The following CCDC60 variants were observed in gnomAD, a reference collection of about 807,000 sequenced individuals.
The protein encoded by CCDC60 is coiled-coil domain-containing protein 60.
In CCDC60, 54 loss-of-function variants were observed where a neutral mutation model predicts 63.5. The observed-to-expected ratio is 0.85, with a 90% CI of 0.68 to 1.07. CCDC60 has a LOEUF of 1.07. CCDC60 is among the 50% of genes least tolerant of loss of function. CCDC60 has a pLI of 0.00. For missense variants in CCDC60, 651 were observed against 684.3 expected (o/e 0.95, Z 0.54); for synonymous variants, 206 against 238.8 (o/e 0.86, Z 1.27).
At chr12:119,481,943 T>C (rs555335787) in intron 4 of CCDC60, among the ~76,000 whole-genome samples, 1 of 149,032 alleles carries the variant, frequency 6.7e-6, no homozygotes, top group South Asian at 2.1e-4. Context: ...CACTCCTTTA[T>C]ATGGATGAGC....
Position 119,528,658 on chromosome 12 carries a change from C to T in CCDC60, c.1273C>T (p.Leu425Phe). ...TATCCAGAAGTTCCGTGCTTTTGTC[C>T]TTGTCTCAAATTTTCAAAAGGACAT... ...RGIQKFRAFV[L>F]VSNFQKDIAK... Residue 425 changes from leucine to phenylalanine, a missense_variant, in exon 12 of 14, where the codon CTT becomes TTT. Leu to Phe is a conservative substitution (Grantham distance 22, BLOSUM62 0). Coordinates refer to ENST00000327554, the MANE Select transcript of CCDC60 (RefSeq NM_178499.5). 2.5e-6 allele frequency: 4 copies of T among 1,613,958 alleles called. No homozygotes were observed. The highest frequency in any genetic ancestry group is 3.4e-6 in the Non-Finnish European group (4 of 1,179,922).
At chr12:119,373,445 ACCCTGC>A (rs1313773540) in intron 1 of CCDC60, among the ~76,000 whole-genome samples, 4 of 151,968 alleles carry the variant, frequency 2.6e-5, no homozygotes, top group African/African-American at 9.7e-5. Context: ...CATCAGTCCA[ACCCTGC>A]TTATCACAAT....
chr12:119,418,375 TTTCTTTCTTTC>T (rs1956743648), intron 1 of CCDC60, among the ~76,000 whole-genome samples: 1 of 137,760 alleles, frequency 7.3e-6, no homozygotes, highest in East Asian at 2.1e-4. Context: ...TCTTTTTCCT[TTTCTTTCTTTC>T]TTTTTTTTTT....
At chr12:119,391,284 T>A (rs1357971515) in intron 1 of CCDC60, among the ~76,000 whole-genome samples, 1 of 152,244 alleles carries the variant, frequency 6.6e-6, no homozygotes, top group African/African-American at 2.4e-5. Context: ...TGTGTGTCTT[T>A]TCTTAAAATG....
At chr12:119,363,674 A>G (rs1321233040) in intron 1 of CCDC60, among the ~76,000 whole-genome samples, 1 of 152,128 alleles carries the variant, frequency 6.6e-6, no homozygotes, top group African/African-American at 2.4e-5. Flanking sequence ...TTCTGTGGGT[A>G]CTTGTTTCCA....
chr12:119,524,933 T>C (rs1952646553), intron 11 of CCDC60, among the ~76,000 whole-genome samples: 2 of 151,988 alleles, frequency 1.3e-5, no homozygotes, highest in African/African-American at 4.8e-5. Flanking sequence ...CCCAAAATGC[T>C]GGGTTTGCAA....
At chr12:119,514,857 C>T (rs1952313728) in intron 7 of CCDC60, among the ~76,000 whole-genome samples, 1 of 152,158 alleles carries the variant, frequency 6.6e-6, no homozygotes, top group Non-Finnish European at 1.5e-5. Flanking sequence ...ATGATAAGTA[C>T]CCTATATAGG....
rs982764378 is a variant in CCDC60, at chr12:119,382,247, G to C, written c.91-46436G>C. 2.0e-5 allele frequency among the ~76,000 whole-genome samples: 3 copies of C among 152,198 alleles called. No homozygotes were observed. The South Asian group carries it at 6.2e-4, about 32-fold the overall frequency. On this transcript the variant is annotated intron_variant, in intron 1 of 13. Coordinates refer to ENST00000327554, the MANE Select transcript of CCDC60 (RefSeq NM_178499.5). ...CAAATGAGCTTCACAGCAGTCTTTA[G>C]CGTTTTACCATGAGGCAGAGATATG...
At chr12:119,395,337 A>G (rs563389868) in intron 1 of CCDC60, among the ~76,000 whole-genome samples, 1 of 152,366 alleles carries the variant, frequency 6.6e-6, no homozygotes, top group Admixed American at 6.5e-5. Flanking sequence ...TACCTGGCTC[A>G]CAGTTCCACA....
At position 119,410,331 on chromosome 12, in the gene CCDC60, TG is replaced by T. The variant is rs1410258261; in HGVS notation, c.91-18351del. 6.6e-6 allele frequency among the ~76,000 whole-genome samples: 1 copy of T among 152,050 alleles called. No individual in the cohort carries two copies. Among genetic ancestry groups the T allele is most frequent in the African/African-American group, 2.4e-5 (1 of 41,388 alleles). ...GGTGGAAGTAATACATTTTAAAAAG[TG>T]ATGTACCTTTTGATACATTTTTTTA... On this transcript the variant is annotated intron_variant, in intron 1 of 13. Coordinates refer to ENST00000327554, the MANE Select transcript of CCDC60 (RefSeq NM_178499.5). This position sits in a 1 kb window ranked among gnomAD's most constrained non-coding sequence, Gnocchi z 4.0.
chr12:119,363,824 A>G (rs1955814940), intron 1 of CCDC60, among the ~76,000 whole-genome samples: 2 of 152,092 alleles, frequency 1.3e-5, no homozygotes, highest in African/African-American at 2.4e-5. Flanking sequence ...AAATACTTTT[A>G]TTGGAGACAG....
intron 4 of CCDC60, among the ~76,000 whole-genome samples, chr12:119,485,991 T>A (rs1187790384): frequency 6.6e-6 from 1 of 152,044 alleles, no homozygotes; most frequent in Non-Finnish European, 1.5e-5. Context: ...CCACCCCACA[T>A]ATCCCAAAGC....
At chr12:119,506,418 C>G (rs375697099) in intron 7 of CCDC60, among the ~76,000 whole-genome samples, 1 of 125,604 alleles carries the variant, frequency 8.0e-6, no homozygotes, top group Non-Finnish European at 1.6e-5. Context: ...GCTTGGGCAA[C>G]GTGGTGAAAC....
intron 1 of CCDC60, among the ~76,000 whole-genome samples, chr12:119,408,774 G>A (rs533090316): frequency 9.7e-4 from 148 of 151,972 alleles, no homozygotes; most frequent in Non-Finnish European, 1.7e-3. Flanking sequence ...GCAGTGAGCC[G>A]AGATCAGGCC....
At chr12:119,376,705 G>A (rs990106840) in intron 1 of CCDC60, among the ~76,000 whole-genome samples, 4 of 152,192 alleles carry the variant, frequency 2.6e-5, no homozygotes, top group South Asian at 2.1e-4. Context: ...TGCTGGCTTC[G>A]TCTGGTTCAT....
intron 2 of CCDC60, among the ~76,000 whole-genome samples, chr12:119,446,372 C>T (rs1950542244): frequency 6.6e-6 from 1 of 152,166 alleles, no homozygotes; most frequent in South Asian, 2.1e-4. Context: ...AGTATATGTT[C>T]AGGGCAAGAC....
At chr12:119,417,463 A>G (rs1032563652) in intron 1 of CCDC60, among the ~76,000 whole-genome samples, 6 of 151,752 alleles carry the variant, frequency 4.0e-5, no homozygotes, top group African/African-American at 4.8e-5. Flanking sequence ...CTCTTACTTT[A>G]TCTCTTTTAT....
At chr12:119,508,751 G>GA in intron 7 of CCDC60, among the ~76,000 whole-genome samples, 2 of 152,168 alleles carry the variant, frequency 1.3e-5, no homozygotes, top group Non-Finnish European at 2.9e-5. Flanking sequence ...GAAGTATCTG[G>GA]AAAGTTTTCA....
intron 9 of CCDC60, among the ~76,000 whole-genome samples, chr12:119,521,769 C>T (rs1314853584): frequency 6.6e-6 from 1 of 152,180 alleles, no homozygotes; most frequent in East Asian, 1.9e-4. Flanking sequence ...ACTGTCAAAG[C>T]TCTTGAAAAG....
Sources: gnomAD v4.1 joint callset for allele counts (sites outside exome capture counted in the v4.1 genomes callset) on GRCh38, gnomAD v4.1.1 for gene constraint, Gnocchi (gnomAD v3.1) non-coding constraint, MANE v1.5 for transcripts, NCBI Gene and HGNC (gene_info 2026-07-23, HGNC 2026-07-21) for gene names.